RCBTB1: variants seen among roughly 807,000 people sequenced by gnomAD.
RCBTB1 encodes RCC1 and BTB domain-containing protein 1.
A neutral mutation model predicts 62.4 loss-of-function variants in RCBTB1; 46 were observed. The ratio of observed to expected loss-of-function variants is 0.74; its 90% CI spans 0.58 to 0.94. The LOEUF (loss-of-function observed/expected upper bound fraction) is 0.94. RCBTB1 is among the 40% of genes least tolerant of loss of function. The pLI is 0.00. For missense variants in RCBTB1, 565 were observed against 654.9 expected, an observed-to-expected ratio of 0.86 and a Z score of 1.50; for synonymous variants, 222 against 245.8, an observed-to-expected ratio of 0.90 and a Z score of 0.91.
chr13:49,573,795 T>TC (rs1351532890), intron 2 of RCBTB1, among the ~76,000 whole-genome samples: 16 of 144,396 alleles, frequency 1.1e-4, no homozygotes, highest in Non-Finnish European at 2.0e-4. Flanking sequence ...CTCTTTTTTT[T>TC]TTTTTTGAGA....
At position 49,573,814 on chromosome 13, in the gene RCBTB1, C is replaced by T. The variant is rs1594345816; in HGVS notation, c.-41-6494G>A. On this transcript the variant is annotated intron_variant, in intron 2 of 12. Transcript: ENST00000378302. ...TTTTTTTTTTTTTGAGACAGAGCCT[C>T]GCTCTGTTGTCCAGTCTGGAGTACA... Among the ~76,000 whole-genome samples, 6 of 134,024 alleles carry T rather than the reference C, an allele frequency of 4.5e-5. No homozygotes were observed. The South Asian group carries it at 1.4e-3, about 32-fold the overall frequency. The allele number at this position is 134,024 out of a possible 152,430, so 87.9% of individuals were successfully genotyped here.
chr13:49,557,814 T>C (rs1173713291), intron 5 of RCBTB1, among the ~76,000 whole-genome samples: 3 of 152,170 alleles, frequency 2.0e-5, no homozygotes, highest in Non-Finnish European at 4.4e-5. Flanking sequence ...AGTGTAATCT[T>C]GATTATACAA....
intron 4 of RCBTB1, among the ~76,000 whole-genome samples, chr13:49,565,997 C>A (rs529642990): frequency 1.3e-5 from 2 of 150,942 alleles, no homozygotes; most frequent in Non-Finnish European, 2.9e-5. Context: ...GTGCTGTGTC[C>A]ACTCAGGGTT....
Position 49,544,815 on chromosome 13 carries a change from T to C in RCBTB1, c.1094A>G (p.Asp365Gly). ...TVAESLKKEF[D>G]SPETADLKFR... ...CTTCAGATCAGCAGTTTCTGGACTA[T>C]CAAATTCTTTCTTCAGTGACTCTGC... The change falls in exon 10 of 13, where the codon GAT becomes GGT. Residue 365 changes from aspartate to glycine, a missense_variant. By Grantham distance (94) the Asp-to-Gly change is moderately conservative. Coordinates refer to ENST00000378302, the MANE Select transcript of RCBTB1 (RefSeq NM_018191.4). 6.2e-7 allele frequency: 1 copy of C among 1,611,722 alleles called. No homozygotes were observed. The highest frequency in any genetic ancestry group is 1.1e-5 in the South Asian group (1 of 91,016).
At chr13:49,555,226 C>A (rs763455949) in intron 6 of RCBTB1, among the ~76,000 whole-genome samples, 2 of 152,212 alleles carry the variant, frequency 1.3e-5, no homozygotes, top group Non-Finnish European at 2.9e-5. Context: ...TAATCTATTA[C>A]ATTAAATATC....
chr13:49,539,833 T>C (rs1960215849), intron 12 of RCBTB1, among the ~76,000 whole-genome samples: 1 of 152,198 alleles, frequency 6.6e-6, no homozygotes, highest in Admixed American at 6.5e-5. Context: ...AATCAGAATA[T>C]AGCCTCAAAC....
intron 2 of RCBTB1, among the ~76,000 whole-genome samples, chr13:49,570,569 C>T (rs184007711): frequency 8.3e-4 from 127 of 152,262 alleles, no homozygotes; most frequent in South Asian, 3.1e-3. Context: ...GCCTGGGTTT[C>T]CCCCAAACCT....
At chr13:49,582,509 A>G (rs956791490) in intron 1 of RCBTB1, among the ~76,000 whole-genome samples, 6 of 152,038 alleles carry the variant, frequency 3.9e-5, no homozygotes, top group African/African-American at 1.5e-4. Context: ...ATAAATAAAT[A>G]AATGCAAGAG....
chr13:49,548,465 C>T (rs1227360197), intron 9 of RCBTB1, among the ~76,000 whole-genome samples: 3 of 149,968 alleles, frequency 2.0e-5, no homozygotes, highest in Non-Finnish European at 3.0e-5. Context: ...TCTAGTATAA[C>T]AGAAGTGCTT....
intron 9 of RCBTB1, among the ~76,000 whole-genome samples, chr13:49,547,564 T>A (rs1023157063): frequency 6.6e-6 from 1 of 152,234 alleles, no homozygotes. Flanking sequence ...AAATGGCTAC[T>A]CAGTTTTAAG....
rs556458597 is a variant in RCBTB1 at position 49,543,950 on chromosome 13, G to A, written c.1172+787C>T. Among the ~76,000 whole-genome samples, 341 of 152,252 alleles carry A rather than the reference G, an allele frequency of 2.2e-3. 1 individual carries two copies. The highest frequency in any genetic ancestry group is 3.2e-3 in the Non-Finnish European group (221 of 68,022). On this transcript the variant is annotated intron_variant, in intron 10 of 12. Transcript: ENST00000378302. Reference sequence around the variant, plus strand: ...GATATTCCCGCCTTGGCCTCCCAAAGTCCTAGGATTACAGGCATGAGCCAC... The same window carrying A: ...GATATTCCCGCCTTGGCCTCCCAAAATCCTAGGATTACAGGCATGAGCCAC...
At chr13:49,575,809 C>T (rs2104183) in intron 2 of RCBTB1, among the ~76,000 whole-genome samples, 126,873 of 152,112 alleles carry the variant, frequency 0.83, 53,064 homozygotes, top group East Asian at 0.89. Flanking sequence ...ACCTGGGTGA[C>T]GGAATTATTC....
At chr13:49,576,535 G>A (rs1371833350) in intron 2 of RCBTB1, among the ~76,000 whole-genome samples, 4 of 152,108 alleles carry the variant, frequency 2.6e-5, no homozygotes, top group Admixed American at 6.6e-5. Flanking sequence ...TCTCAACGGA[G>A]CATTTATAAA....
chr13:49,573,797 T>TA, intron 2 of RCBTB1, among the ~76,000 whole-genome samples: 1 of 144,306 alleles, frequency 6.9e-6, no homozygotes, highest in Non-Finnish European at 1.5e-5. Context: ...CTTTTTTTTT[T>TA]TTTTGAGACA....
intron 12 of RCBTB1, 78 bp from the exon 13 acceptor site, chr13:49,534,340 T>A: frequency 1.4e-6 from 2 of 1,449,736 alleles, no homozygotes; most frequent in Non-Finnish European, 1.9e-6. Flanking sequence ...CTGAGCCCTT[T>A]ACCCCAAATC....
chr13:49,539,731 T>C (rs1310411290), intron 12 of RCBTB1, among the ~76,000 whole-genome samples: 1 of 152,180 alleles, frequency 6.6e-6, no homozygotes, highest in African/African-American at 2.4e-5. Flanking sequence ...CATACCCCAT[T>C]TTCTATTAGA....
intron 5 of RCBTB1, among the ~76,000 whole-genome samples, chr13:49,558,420 T>A (rs755520846): frequency 1.3e-5 from 2 of 152,072 alleles, no homozygotes; most frequent in African/African-American, 4.8e-5. Context: ...AGGCTTGTCA[T>A]GGTGGCTATG....
chr13:49,570,622 G>T (rs186018677), intron 2 of RCBTB1, among the ~76,000 whole-genome samples: 11 of 152,150 alleles, frequency 7.2e-5, no homozygotes, highest in East Asian at 5.8e-4. Context: ...GAAGAAGCTG[G>T]GGGATTTCTT....
rs146086129 is a variant in RCBTB1, at chr13:49,572,292, A to C, written c.-41-4972T>G. Among the ~76,000 whole-genome samples, 125 of 148,466 alleles carry C rather than the reference A, an allele frequency of 8.4e-4. 2 individuals carry two copies. In the East Asian group the frequency reaches 0.024, roughly 28 times the overall value. Reference sequence around the variant, plus strand: ...CAGTGAGCCGAGATCATGCCACTGCACTCCAGCCTAGGCGACAGAGCGAGA... The same window carrying C: ...CAGTGAGCCGAGATCATGCCACTGCCCTCCAGCCTAGGCGACAGAGCGAGA... On this transcript the variant is annotated intron_variant, in intron 2 of 12. Transcript: ENST00000378302.
Sources: allele counts gnomAD v4.1 joint callset (sites outside exome capture counted in the v4.1 genomes callset), GRCh38; gene constraint gnomAD v4.1.1; transcripts MANE v1.5; gene names NCBI Gene and HGNC (gene_info 2026-07-23, HGNC 2026-07-21).